The following ADAMTS12 variants were observed in gnomAD, a reference collection of about 807,000 sequenced individuals.
ADAMTS12 encodes the protein ADAM metallopeptidase with thrombospondin type 1 motif 12.
ADAMTS12 carries 118 observed loss-of-function variants against 167.8 expected under a neutral mutation model. The ratio of observed to expected loss-of-function variants is 0.70; its 90% CI spans 0.61 to 0.82. ADAMTS12 has a LOEUF of 0.82. Ranked by LOEUF, ADAMTS12 falls within the 40% of genes least tolerant of loss-of-function variation. The pLI, the probability that ADAMTS12 is intolerant of heterozygous loss-of-function variation, is 0.00. For missense variants in ADAMTS12, 1,916 were observed against 1,998.8 expected, an observed-to-expected ratio of 0.96 and a Z score of 0.79; for synonymous variants, 704 against 716.9, an observed-to-expected ratio of 0.98 and a Z score of 0.29.
chr5:33,613,898 G>T (rs965552143), intron 16 of ADAMTS12, among the ~76,000 whole-genome samples: 5 of 152,224 alleles, frequency 3.3e-5, no homozygotes, highest in African/African-American at 1.2e-4. Flanking sequence ...CACATTTGAG[G>T]AGTTGTTCCA....
rs560909154 is a variant in ADAMTS12 at position 33,864,076 on chromosome 5, A to G, written c.489+17043T>C. On this transcript the variant is annotated intron_variant, in intron 2 of 23. Coordinates refer to ENST00000504830, the MANE Select transcript of ADAMTS12 (RefSeq NM_030955.4). ...AACTCAAGATGGATTAAAGACTTCA[A>G]TGTTAGACCTAAAACCATAAAAACC... 5.3e-5 allele frequency among the ~76,000 whole-genome samples: 8 copies of G among 152,338 alleles called. 1 individual carries two copies. The highest frequency in any genetic ancestry group is 1.9e-4 in the African/African-American group (8 of 41,578).
chr5:33,637,841 T>C, intron 11 of ADAMTS12, 95 bp from the exon 12 acceptor site: 1 of 1,324,944 alleles, frequency 7.5e-7, no homozygotes. Context: ...ACAAATGATG[T>C]CTCTCTATGC....
At chr5:33,856,242 G>C (rs901077692) in intron 2 of ADAMTS12, among the ~76,000 whole-genome samples, 1 of 152,092 alleles carries the variant, frequency 6.6e-6, no homozygotes, top group Non-Finnish European at 1.5e-5. Flanking sequence ...CACATCCCCC[G>C]CAAAACCTCC....
intron 2 of ADAMTS12, among the ~76,000 whole-genome samples, chr5:33,837,993 C>T (rs1579979748): frequency 6.6e-6 from 1 of 151,654 alleles, no homozygotes; most frequent in Admixed American, 6.6e-5. Flanking sequence ...TTTGTGGTTC[C>T]GCTTAACAGC....
At chr5:33,778,181 A>C (rs1745984528) in intron 2 of ADAMTS12, among the ~76,000 whole-genome samples, 1 of 152,184 alleles carries the variant, frequency 6.6e-6, no homozygotes, top group South Asian at 2.1e-4. Flanking sequence ...TCTGAAATTC[A>C]TATAGAACCT....
chr5:33,847,778 G>C (rs1035684084), intron 2 of ADAMTS12, among the ~76,000 whole-genome samples: 1 of 152,204 alleles, frequency 6.6e-6, no homozygotes, highest in Admixed American at 6.5e-5. Flanking sequence ...GAGAGGCTCA[G>C]GTGAAGCTGT....
rs763578276 is a variant in ADAMTS12 at position 33,576,171 on chromosome 5, C to A, written c.3855G>T (p.Leu1285=). ...MNQTKSSEPV[L]TEEDATSLIT... is the part of the protein sequence containing the mutation. ...TCAGACTTGTTGCATCCTCCTCAGT[C>A]AGGACTGGTTCAGAACTTTTTGTTT... Residue 1285 remains leucine (L), a synonymous_variant, in exon 19 of 24, where the codon CTG becomes CTT. Transcript: ENST00000504830. 1 of 1,614,218 alleles carries A rather than the reference C, an allele frequency of 6.2e-7. No homozygotes were observed. The highest frequency in any genetic ancestry group is 2.2e-5 in the East Asian group (1 of 44,886).
intron 3 of ADAMTS12, among the ~76,000 whole-genome samples, chr5:33,714,642 C>T (rs7721695): frequency 0.61 from 92,439 of 151,542 alleles, 29,357 homozygotes; most frequent in Non-Finnish European, 0.69. Context: ...AATACTGTCA[C>T]TTGCAGCAAC....
At chr5:33,703,065 T>G (rs1464776645) in intron 3 of ADAMTS12, among the ~76,000 whole-genome samples, 9 of 152,206 alleles carry the variant, frequency 5.9e-5, no homozygotes, top group Non-Finnish European at 1.3e-4. Context: ...TATTTTGATA[T>G]GCATCACGTG....
chr5:33,592,239 A>G (rs964058389), intron 17 of ADAMTS12, among the ~76,000 whole-genome samples: 3 of 150,206 alleles, frequency 2.0e-5, no homozygotes, highest in Non-Finnish European at 4.4e-5. Context: ...CAAAACAAAC[A>G]AACAAAAAAA....
chr5:33,564,815 C>T (rs777108781), intron 19 of ADAMTS12, among the ~76,000 whole-genome samples: 4 of 152,230 alleles, frequency 2.6e-5, no homozygotes, highest in Non-Finnish European at 5.9e-5. Context: ...ACAAAAGCAT[C>T]CTCCTTCATC....
chr5:33,646,601 A>G (rs1052914755), intron 9 of ADAMTS12, among the ~76,000 whole-genome samples: 12 of 152,216 alleles, frequency 7.9e-5, no homozygotes, highest in Non-Finnish European at 7.3e-5. Context: ...AAATTGACCC[A>G]GAGATAGAAC....
intron 18 of ADAMTS12, among the ~76,000 whole-genome samples, chr5:33,582,224 T>C (rs2111985505): frequency 6.6e-6 from 1 of 152,314 alleles, no homozygotes; most frequent in African/African-American, 2.4e-5. Context: ...GAGTAGTTGT[T>C]GCAAACAGAG....
chr5:33,612,256 A>T (rs1374716511), intron 16 of ADAMTS12, among the ~76,000 whole-genome samples: 1 of 152,216 alleles, frequency 6.6e-6, no homozygotes, highest in Admixed American at 6.5e-5. Context: ...AATCAGAGTG[A>T]CATTTACCTA....
chr5:33,865,312 A>G (rs1234005476), intron 2 of ADAMTS12, among the ~76,000 whole-genome samples: 1 of 152,010 alleles, frequency 6.6e-6, no homozygotes, highest in East Asian at 1.9e-4. Context: ...GGATGTAGGG[A>G]CGATGGAAGT....
At chr5:33,866,580 CA>C (rs1429554809) in intron 2 of ADAMTS12, among the ~76,000 whole-genome samples, 3 of 151,828 alleles carry the variant, frequency 2.0e-5, no homozygotes, top group Non-Finnish European at 4.4e-5. Context: ...TGCAACAAAA[CA>C]AAAAATATAT....
chr5:33,621,703 T>C (rs1739338465), intron 14 of ADAMTS12, among the ~76,000 whole-genome samples: 1 of 152,224 alleles, frequency 6.6e-6, no homozygotes, highest in African/African-American at 2.4e-5. Context: ...CAATGCTCAC[T>C]GCAGGCCAAT....
intron 3 of ADAMTS12, among the ~76,000 whole-genome samples, chr5:33,720,069 C>A (rs1348986527): frequency 2.0e-5 from 3 of 151,952 alleles, no homozygotes; most frequent in African/African-American, 7.3e-5. Context: ...GCCAAACATT[C>A]CACACACACA....
intron 17 of ADAMTS12, among the ~76,000 whole-genome samples, chr5:33,595,644 T>C (rs1214458442): frequency 6.6e-6 from 1 of 151,878 alleles, no homozygotes; most frequent in Non-Finnish European, 1.5e-5. Flanking sequence ...TAAAACTACT[T>C]TTGGGTGATC....
Sources: allele counts gnomAD v4.1 joint callset (sites outside exome capture counted in the v4.1 genomes callset), GRCh38; gene constraint gnomAD v4.1.1; transcripts MANE v1.5; gene names NCBI Gene and HGNC (gene_info 2026-07-23, HGNC 2026-07-21).